Variants in RAD21 observed in about 807,000 individuals in gnomAD.
RAD21 encodes the protein RAD21 cohesin complex component, also known as double-strand-break repair protein rad21 homolog.
A neutral mutation model predicts 71.5 loss-of-function variants in RAD21; 18 were observed. The observed-to-expected ratio is 0.25, with a 90% CI of 0.17 to 0.37. The LOEUF (loss-of-function observed/expected upper bound fraction) is 0.37, where lower values mean the gene tolerates loss of function less well. Ranked by LOEUF, RAD21 falls within the 10% of genes least tolerant of loss-of-function variation. The pLI is 1.00. For synonymous variants in RAD21, 248 were observed against 254.0 expected (o/e 0.98, Z 0.22); for missense variants, 493 against 769.1 (o/e 0.64, Z 4.25).
rs141936111 is a variant in RAD21, at chr8:116,856,244, T to G, written c.859A>C (p.Met287Leu). 4 of 1,594,198 alleles carry G rather than the reference T, an allele frequency of 2.5e-6. No homozygotes were observed. In the South Asian group the frequency reaches 4.5e-5, roughly 18 times the overall value. The change falls in exon 8 of 14, where the codon ATG becomes CTG. Residue 287 changes from methionine to leucine, a missense_variant. Physicochemically the swap from Met to Leu is conservative, Grantham distance 15. Around this residue, in one of 5 missense-constraint regions of RAD21, gnomAD observed 165 missense variants for 229.6 expected, o/e 0.72. Coordinates refer to ENST00000297338, the MANE Select transcript of RAD21 (RefSeq NM_006265.3). Reference sequence around the variant, plus strand: ...GTTGTTTGATCAGTCATGGTTGGCATTGGTTCAACGGGATCCACTGAATCA... The same window carrying G: ...GTTGTTTGATCAGTCATGGTTGGCAGTGGTTCAACGGGATCCACTGAATCA... Reference protein sequence around the residue: ...SPDSVDPVEPMPTMTDQTTLV... With the variant: ...SPDSVDPVEPLPTMTDQTTLV...
chr8:116,860,299 T>C (rs1812563237), intron 4 of RAD21, among the ~76,000 whole-genome samples: 1 of 152,160 alleles, frequency 6.6e-6, no homozygotes, highest in South Asian at 2.1e-4. Context: ...TTCCATAAAC[T>C]TGGTTGATAA....
At chr8:116,854,211 G>C (rs757084262) in intron 9 of RAD21, 34 bp downstream of exon 9, 1 of 1,473,074 alleles carries the variant, frequency 6.8e-7, no homozygotes, top group East Asian at 2.3e-5. Context: ...TGCTCAAAAT[G>C]TATATGAAGT....
At chr8:116,854,913 C>T (rs1812430755) in intron 8 of RAD21, among the ~76,000 whole-genome samples, 1 of 152,036 alleles carries the variant, frequency 6.6e-6, no homozygotes, top group African/African-American at 2.4e-5. Context: ...TCACATATGG[C>T]AGTTGTGGAA....
At chr8:116,861,725 T>C (rs1016096142) in intron 4 of RAD21, 116 bp downstream of exon 4, 7 of 646,864 alleles carry the variant, frequency 1.1e-5, no homozygotes, top group African/African-American at 3.7e-5. Flanking sequence ...TATAAATATA[T>C]ATATGCATTT....
At chr8:116,852,345 A>G in intron 10 of RAD21, 1 of 660,276 alleles carries the variant, frequency 1.5e-6, no homozygotes, top group Non-Finnish European at 2.4e-6. Context: ...CAGACTATCT[A>G]CCCTGCCAGT....
chr8:116,858,253 T>C (rs1220267343), intron 5 of RAD21, 99 bp downstream of exon 5: 1 of 869,394 alleles, frequency 1.2e-6, no homozygotes, highest in Non-Finnish European at 1.8e-6. Context: ...ACATGAAATT[T>C]TAAGTCTTTC....
intron 1 of RAD21, 44 bp from the exon 2 acceptor site, chr8:116,866,805 T>G (rs1812703645): frequency 7.5e-7 from 1 of 1,338,726 alleles, no homozygotes. Context: ...ATCTGACAAT[T>G]TAAATACTTA....
chr8:116,856,268 C>T lies in RAD21; in HGVS notation c.835G>A (p.Asp279Asn), dbSNP rs1430935005. The change falls in exon 8 of 14, where the codon GAT (aspartate) becomes AAT (asparagine). Residue 279 changes from aspartate to asparagine, a missense_variant. This residue lies in a region of RAD21 where 165 missense variants were observed against 229.6 expected (regional missense o/e 0.72). Coordinates refer to ENST00000297338, the MANE Select transcript of RAD21 (RefSeq NM_006265.3). Reference protein sequence around the residue: ...NVSMGGPDSPDSVDPVEPMPT... With the variant: ...NVSMGGPDSPNSVDPVEPMPT... The stretch of plus-strand genomic sequence containing the variant: ...ATTGGTTCAACGGGATCCACTGAAT[C>T]AGGACTATCAGGCCCACCCACTGTA... 7.9e-7 allele frequency: 1 copy of T among 1,263,734 alleles called. No homozygotes were observed. 78.3% of individuals were successfully genotyped at this position (1,263,734 alleles called of 1,614,324 possible).
Position 116,874,755 on chromosome 8 carries a change from G to T in RAD21, c.-177C>A, listed in dbSNP as rs1461802670. On this transcript the variant is annotated 5_prime_UTR_variant, in exon 1 of 14. Coordinates refer to ENST00000297338, the MANE Select transcript of RAD21 (RefSeq NM_006265.3). ...CCGCCACAGCCGGCGCCTCCTTTCC[G>T]ATTCACTCAAACAAACAAGATGGCT... 2.2e-6 allele frequency: 1 copy of T among 455,870 alleles called. No individual in the cohort carries two copies. The highest frequency in any genetic ancestry group is 4.4e-6 in the Non-Finnish European group (1 of 226,568). The allele number at this position is 455,870 out of a possible 1,614,324, so 28.2% of individuals were successfully genotyped here.
Position 116,866,582 on chromosome 8 carries a change from A to C in RAD21, c.144+4T>G. 6.3e-7 allele frequency: 1 copy of C among 1,594,448 alleles called. No individual in the cohort carries two copies. Among genetic ancestry groups the C allele is most frequent in the Middle Eastern group, 1.7e-4 (1 of 6,002 alleles). ...GTGAATAAAAATGTCAACATCAAAC[A>C]TACCTTTGGTGAGATGATACTCTCC... is the stretch of plus-strand genomic sequence containing the variant. On this transcript the variant is annotated splice_donor_region_variant and intron_variant, in intron 2 of 13. Transcript: ENST00000297338.
rs1812515518 is a variant in RAD21, at chr8:116,858,346, T to C, written c.481+6A>G. On this transcript the variant is annotated splice_donor_region_variant and intron_variant, in intron 5 of 13. Transcript: ENST00000297338. ...ATTAATGGCTAATAATTTGTTTCTC[T>C]TTTACCAAAATCATTTTCTTGTAAA... 1 of 1,593,606 alleles carries C rather than the reference T, an allele frequency of 6.3e-7. No individual in the cohort carries two copies. The highest frequency in any genetic ancestry group is 1.7e-5 in the Admixed American group (1 of 59,808).
At chr8:116,864,908 A>C (rs1361563287) in intron 2 of RAD21, among the ~76,000 whole-genome samples, 1 of 152,146 alleles carries the variant, frequency 6.6e-6, no homozygotes, top group Non-Finnish European at 1.5e-5. Context: ...AAATAGGGCC[A>C]GTGGTTCTTC....
intron 8 of RAD21, among the ~76,000 whole-genome samples, chr8:116,855,718 T>TTA (rs1812447988): frequency 1.3e-5 from 2 of 151,760 alleles, no homozygotes; most frequent in Admixed American, 6.6e-5. Context: ...GTTTTTTTTT[T>TTA]AAAAAGAATA....
intron 6 of RAD21, 26 bp from the exon 7 acceptor site, chr8:116,856,797 A>T (rs193132040): frequency 1.4e-6 from 2 of 1,456,226 alleles, no homozygotes; most frequent in African/African-American, 2.9e-5. Context: ...TAAGTTAGTT[A>T]TAATTTGAAA....
chr8:116,864,116 T>C lies in RAD21; in HGVS notation c.145-857A>G, dbSNP rs572455301. ...AGGCAGATCTTGATCAACATTAACA[T>C]GGGATACAGTATGTGGAAAAGCAGT... is the stretch of plus-strand genomic sequence containing the variant. On this transcript the variant is annotated intron_variant, in intron 2 of 13. Coordinates refer to ENST00000297338, the MANE Select transcript of RAD21 (RefSeq NM_006265.3). Among the ~76,000 whole-genome samples, 29 of 152,134 alleles carry C rather than the reference T, an allele frequency of 1.9e-4. No homozygotes were observed. In the South Asian group the frequency reaches 3.5e-3, roughly 18 times the overall value.
chr8:116,851,867 T>C (rs2130458263), intron 11 of RAD21, 81 bp downstream of exon 11: 1 of 1,441,486 alleles, frequency 6.9e-7, no homozygotes, highest in Non-Finnish European at 9.4e-7. Flanking sequence ...CAAGATACTT[T>C]AAAAGGCCTC....
At chr8:116,850,392 T>C (rs1586262632) in intron 12 of RAD21, among the ~76,000 whole-genome samples, 3 of 152,216 alleles carry the variant, frequency 2.0e-5, no homozygotes, top group South Asian at 2.1e-4. Context: ...GACAATTCCA[T>C]GTCCTTCAAA....
intron 3 of RAD21, among the ~76,000 whole-genome samples, chr8:116,862,413 T>G (rs1228270447): frequency 6.6e-6 from 1 of 152,118 alleles, no homozygotes; most frequent in Non-Finnish European, 1.5e-5. Context: ...ATGTGCTTAT[T>G]GGTCACATGT....
At chr8:116,853,724 C>T (rs1203818032) in intron 9 of RAD21, among the ~76,000 whole-genome samples, 1 of 152,130 alleles carries the variant, frequency 6.6e-6, no homozygotes, top group Non-Finnish European at 1.5e-5. Flanking sequence ...ATCTCAACTT[C>T]AGACAGAATA....
Sources: gnomAD v4.1 joint callset for allele counts (sites outside exome capture counted in the v4.1 genomes callset) on GRCh38, gnomAD v4.1.1 for gene constraint, gnomAD v4.1.1 regional missense constraint, MANE v1.5 for transcripts, NCBI Gene and HGNC (gene_info 2026-07-23, HGNC 2026-07-21) for gene names.